The following DSCAM variants were observed in gnomAD, a reference collection of about 807,000 sequenced individuals.
The protein encoded by DSCAM is cell adhesion molecule DSCAM.
A neutral mutation model predicts 217.7 loss-of-function variants in DSCAM; 47 were observed. The observed-to-expected ratio is 0.22, with a 90% CI of 0.17 to 0.28. The LOEUF is 0.28. Ranked by LOEUF, DSCAM falls within the 10% of genes least tolerant of loss-of-function variation. DSCAM has a pLI of 1.00. For missense variants in DSCAM, 2,080 were observed against 2,618.3 expected (o/e 0.79, Z 4.49); for synonymous variants, 1,056 against 1,015.3 (o/e 1.04, Z -0.76).
intron 12 of DSCAM, 134 bp downstream of exon 12, chr21:40,188,908 G>T: frequency 1.2e-6 from 1 of 864,056 alleles, no homozygotes; most frequent in East Asian, 2.5e-5. Flanking sequence ...CTGTGTGAAA[G>T]GGGAGAGAAA....
intron 3 of DSCAM, among the ~76,000 whole-genome samples, chr21:40,532,936 G>A (rs1332036728): frequency 1.3e-5 from 2 of 151,780 alleles, no homozygotes; most frequent in African/African-American, 4.8e-5. Context: ...GTGCGCATAT[G>A]TGCTTTTGGG....
rs375895108 is a variant in DSCAM, at chr21:40,468,187, C to T, written c.509-98942G>A. Among the ~76,000 whole-genome samples, 48 of 152,244 alleles carry T rather than the reference C, an allele frequency of 3.2e-4. No homozygotes were observed. The South Asian group carries it at 8.9e-3, about 28-fold the overall frequency. ...TATCTTATGTAAAAATAAAGATTCA[C>T]TGAAATTTAAAATTCTCTTTCTCTT... On this transcript the variant is annotated intron_variant, in intron 3 of 32. Transcript: ENST00000400454.
chr21:40,724,696 A>G (rs2090936117), intron 1 of DSCAM, among the ~76,000 whole-genome samples: 1 of 152,238 alleles, frequency 6.6e-6, no homozygotes, highest in Admixed American at 6.5e-5. Context: ...CAGCATAAAA[A>G]TGTAAAATCC....
At chr21:40,717,592 T>C (rs997170098) in intron 1 of DSCAM, among the ~76,000 whole-genome samples, 2 of 152,178 alleles carry the variant, frequency 1.3e-5, no homozygotes, top group African/African-American at 4.8e-5. Context: ...TCCATTCGTA[T>C]GAAATGTCCA....
intron 3 of DSCAM, among the ~76,000 whole-genome samples, chr21:40,658,852 CA>C (rs2090104393): frequency 6.6e-6 from 1 of 152,120 alleles, no homozygotes; most frequent in Non-Finnish European, 1.5e-5. Context: ...AATAAAGAAT[CA>C]AATAAAATCA....
At chr21:40,754,582 T>C (rs1256871870) in intron 1 of DSCAM, among the ~76,000 whole-genome samples, 1 of 152,200 alleles carries the variant, frequency 6.6e-6, no homozygotes, top group Admixed American at 6.5e-5. Context: ...AGCTGAGGTT[T>C]ACATCACCAC....
At chr21:40,476,436 GGTAA>G (rs918319439) in intron 3 of DSCAM, among the ~76,000 whole-genome samples, 14 of 152,256 alleles carry the variant, frequency 9.2e-5, no homozygotes, top group African/African-American at 2.6e-4. Flanking sequence ...AAAATGCACA[GGTAA>G]GTGTCTGGCA....
intron 3 of DSCAM, among the ~76,000 whole-genome samples, chr21:40,576,942 A>T (rs1195166835): frequency 6.6e-6 from 1 of 151,770 alleles, no homozygotes; most frequent in Admixed American, 6.6e-5. Context: ...ACGAGTATAC[A>T]TATGTAACAA....
chr21:40,584,364 G>A (rs924046826), intron 3 of DSCAM, among the ~76,000 whole-genome samples: 3 of 152,164 alleles, frequency 2.0e-5, no homozygotes, highest in Non-Finnish European at 4.4e-5. Flanking sequence ...AGGAACCTTG[G>A]AATTATCTCA....
At chr21:40,519,910 T>C (rs547478284) in intron 3 of DSCAM, among the ~76,000 whole-genome samples, 10 of 152,036 alleles carry the variant, frequency 6.6e-5, no homozygotes, top group Admixed American at 3.9e-4. Flanking sequence ...CTGTTGATTA[T>C]TGGTTCTAGG....
chr21:40,840,634 A>G (rs1489311271), intron 1 of DSCAM, among the ~76,000 whole-genome samples: 2 of 152,148 alleles, frequency 1.3e-5, no homozygotes, highest in Non-Finnish European at 2.9e-5. Context: ...CGAAATATGA[A>G]TCTCTTTTTG....
intron 20 of DSCAM, among the ~76,000 whole-genome samples, chr21:40,101,341 A>G (rs2089747902): frequency 1.3e-5 from 2 of 152,216 alleles, no homozygotes; most frequent in African/African-American, 4.8e-5. Context: ...AGTGGCTGCC[A>G]AGTTACTGAT....
intron 9 of DSCAM, among the ~76,000 whole-genome samples, chr21:40,299,429 T>C (rs1035426946): frequency 2.6e-5 from 4 of 152,170 alleles, no homozygotes; most frequent in African/African-American, 7.2e-5. Context: ...GGAACATCCA[T>C]GTACTTACAT....
At chr21:40,556,588 T>C (rs1245065905) in intron 3 of DSCAM, among the ~76,000 whole-genome samples, 1 of 152,160 alleles carries the variant, frequency 6.6e-6, no homozygotes, top group Non-Finnish European at 1.5e-5. Context: ...CCCAGACAGC[T>C]TCCACTCATG....
intron 32 of DSCAM, among the ~76,000 whole-genome samples, chr21:40,020,881 T>G (rs772850207): frequency 6.6e-6 from 1 of 152,150 alleles, no homozygotes; most frequent in Admixed American, 6.5e-5. Flanking sequence ...TTGCACACCA[T>G]GAACCCACTG....
intron 1 of DSCAM, among the ~76,000 whole-genome samples, chr21:40,786,831 T>C (rs2091598251): frequency 6.6e-6 from 1 of 152,224 alleles, no homozygotes; most frequent in Admixed American, 6.5e-5. Context: ...TTAAATATGA[T>C]ATGGATATGG....
chr21:40,081,063 G>A (rs1251128447), intron 24 of DSCAM, among the ~76,000 whole-genome samples: 1 of 152,188 alleles, frequency 6.6e-6, no homozygotes, highest in Non-Finnish European at 1.5e-5. Flanking sequence ...GAACACGTGG[G>A]ACACTGAAGT....
intron 10 of DSCAM, among the ~76,000 whole-genome samples, chr21:40,287,946 A>G (rs1318506728): frequency 1.3e-5 from 2 of 152,224 alleles, no homozygotes; most frequent in African/African-American, 4.8e-5. Flanking sequence ...CAGAAAGGAC[A>G]CAGGAAAAGG....
At chr21:40,025,790 C>T (rs2036802070) in intron 32 of DSCAM, among the ~76,000 whole-genome samples, 1 of 150,624 alleles carries the variant, frequency 6.6e-6, no homozygotes, top group Non-Finnish European at 1.5e-5. Flanking sequence ...TGCTAGCAGT[C>T]TATCTATTTT....
Sources: allele counts gnomAD v4.1 joint callset (sites outside exome capture counted in the v4.1 genomes callset), GRCh38; gene constraint gnomAD v4.1.1; transcripts MANE v1.5; gene names NCBI Gene and HGNC (gene_info 2026-07-23, HGNC 2026-07-21).